The following LRRN4 variants were observed in gnomAD, a reference collection of about 807,000 sequenced individuals.
LRRN4 encodes the protein leucine rich repeat neuronal 4, also known as leucine-rich repeat neuronal protein 4.
LRRN4 carries 26 observed loss-of-function variants against 22.3 expected under a neutral mutation model. The observed-to-expected ratio is 1.16, with a 90% CI of 0.85 to 1.62. The LOEUF (loss-of-function observed/expected upper bound fraction) is 1.62. LRRN4 is among the 40% of genes most tolerant of loss of function. The probability of loss-of-function intolerance (pLI) is 0.00; values close to 1 mark genes in which losing one functional copy is unlikely to be tolerated. For missense variants in LRRN4, 1,070 were observed against 1,008.5 expected (o/e 1.06, Z -0.83); for synonymous variants, 496 against 486.2 (o/e 1.02, Z -0.26).
Position 6,046,209 on chromosome 20 carries a change from G to A in LRRN4, c.861-1529C>T, listed in dbSNP as rs142690260. On this transcript the variant is annotated intron_variant, in intron 3 of 4. Transcript: ENST00000378858. The stretch of plus-strand genomic sequence containing the variant: ...CACCTGTGGTCCCAGCTACTTGGGA[G>A]GCTGAGATGGGAGGATTGCTTGAGT... Among the ~76,000 whole-genome samples, 1,436 of 148,844 alleles carry A rather than the reference G, an allele frequency of 9.6e-3. 86 individuals are homozygous for A. The highest frequency in any genetic ancestry group is 0.033 in the African/African-American group (1,370 of 41,062).
chr20:6,053,569 G>A (rs1012924236), intron 1 of LRRN4, among the ~76,000 whole-genome samples: 2 of 152,132 alleles, frequency 1.3e-5, no homozygotes, highest in Admixed American at 6.5e-5. Flanking sequence ...AGCAGAGGAA[G>A]ATCCGGCAGC....
At chr20:6,051,094 T>G in intron 2 of LRRN4, 111 bp from the exon 3 acceptor site, 4 of 887,954 alleles carry the variant, frequency 4.5e-6, no homozygotes, top group Non-Finnish European at 7.3e-6. Flanking sequence ...AGGTCATCGC[T>G]GAGCACGGGC....
chr20:6,052,966 T>G (rs1434328032), intron 1 of LRRN4, among the ~76,000 whole-genome samples, 162 bp from the exon 2 acceptor site: 2 of 152,022 alleles, frequency 1.3e-5, no homozygotes, highest in African/African-American at 2.4e-5. Flanking sequence ...TAGTGTGCAG[T>G]GACCTCTCCC....
At position 6,050,924 on chromosome 20, in the gene LRRN4, G is replaced by T. The variant is rs556070083; in HGVS notation, c.715C>A (p.Pro239Thr). 8.7e-6 allele frequency: 14 copies of T among 1,614,036 alleles called. No individual in the cohort carries two copies. The highest frequency in any genetic ancestry group is 3.3e-5 in the Admixed American group (2 of 60,002). The part of the protein sequence containing the change: ...KLTSLYLRKM[P>T]RLTTLEGDIF... ...TCCCCCTCCAGGGTCGTCAGCCGAG[G>T]CATCTTCCTCAGGTAGAGGGATGTG... The change falls in exon 3 of 5, where the codon CCT (proline) becomes ACT (threonine). Residue 239 changes from proline to threonine, a missense_variant. Physicochemically the swap from Pro to Thr is conservative, Grantham distance 38. Transcript: ENST00000378858.
In LRRN4 at chr20:6,041,545, C is replaced by T. The variant is rs757312459; in HGVS notation, c.1700G>A (p.Arg567Gln). 3.2e-6 allele frequency: 5 copies of T among 1,549,272 alleles called. No individual in the cohort carries two copies. The highest frequency in any genetic ancestry group is 1.9e-5 in the Admixed American group (1 of 52,142). Residue 567 changes from arginine (R) to glutamine (Q), a missense_variant, in exon 5 of 5, where the codon CGG (arginine) becomes CAG (glutamine). By Grantham distance (43) the Arg-to-Gln change is conservative. Transcript: ENST00000378858. The surrounding 1 kb of genome is among the most constrained non-coding windows in gnomAD (Gnocchi z 9.4). ...CCCGCTGAGGCCGGGGCACCGGCAC[C>T]GCCACCGCCTCTGCAGCTCCGCGCA... The part of the protein sequence containing the change: ...TPCAELQRRW[R>Q]CRCPGLSGED...
At chr20:6,047,646 C>G (rs969269097) in intron 3 of LRRN4, among the ~76,000 whole-genome samples, 1 of 144,832 alleles carries the variant, frequency 6.9e-6, no homozygotes, top group African/African-American at 2.7e-5. Flanking sequence ...AAAAAAATAG[C>G]TGGGTGTGGT....
rs568077706 is a variant in LRRN4, at chr20:6,043,049, C to T, written c.999-803G>A. ...ACTACTTTTGCAGTAGACTCTATTACCCCATTTTACAGATGAGAAGGTAGA... is the reference window on the plus strand; with the variant it reads ...ACTACTTTTGCAGTAGACTCTATTATCCCATTTTACAGATGAGAAGGTAGA... On this transcript the variant is annotated intron_variant, in intron 4 of 4. Transcript: ENST00000378858. Among the ~76,000 whole-genome samples the T allele has an allele frequency of 2.0e-5, 3 of 152,250 alleles. No individual in the cohort carries two copies. The East Asian group carries it at 5.8e-4, about 29-fold the overall frequency.
At chr20:6,049,828 T>G (rs1981203018) in intron 3 of LRRN4, among the ~76,000 whole-genome samples, 1 of 151,530 alleles carries the variant, frequency 6.6e-6, no homozygotes, top group Non-Finnish European at 1.5e-5. Flanking sequence ...TATCATACAA[T>G]CATCACTATC....
At chr20:6,048,153 G>A (rs1022236377) in intron 3 of LRRN4, among the ~76,000 whole-genome samples, 1 of 152,052 alleles carries the variant, frequency 6.6e-6, no homozygotes, top group African/African-American at 2.4e-5. Flanking sequence ...GGCTCCTGAT[G>A]GTTTTGCCAA....
chr20:6,044,901 C>T (rs1208823408), intron 3 of LRRN4, among the ~76,000 whole-genome samples: 1 of 152,180 alleles, frequency 6.6e-6, no homozygotes, highest in Non-Finnish European at 1.5e-5. Flanking sequence ...TATTATGCTT[C>T]ATATCAACTG....
At position 6,045,109 on chromosome 20, in the gene LRRN4, G is replaced by C. The variant is rs1020973982; in HGVS notation, c.861-429C>G. 1.3e-4 allele frequency among the ~76,000 whole-genome samples: 19 copies of C among 148,446 alleles called. 4 individuals are homozygous for C. The highest frequency in any genetic ancestry group is 4.3e-4 in the South Asian group (2 of 4,696). On this transcript the variant is annotated intron_variant, in intron 3 of 4. Coordinates refer to ENST00000378858, the MANE Select transcript of LRRN4 (RefSeq NM_152611.5). ...TACTTACATTGTCTCATATCAACTG[G>C]GGACAATATTCCCATGACTGATCGT...
chr20:6,044,898 C>A (rs1329299594), intron 3 of LRRN4, among the ~76,000 whole-genome samples: 1 of 152,150 alleles, frequency 6.6e-6, no homozygotes, highest in Non-Finnish European at 1.5e-5. Context: ...AAATATTATG[C>A]TTCATATCAA....
intron 3 of LRRN4, among the ~76,000 whole-genome samples, 156 bp downstream of exon 3, chr20:6,050,623 A>G (rs1981219939): frequency 6.6e-6 from 1 of 152,260 alleles, no homozygotes; most frequent in Admixed American, 6.5e-5. Flanking sequence ...GACCTACCCA[A>G]GATATCACCC....
At chr20:6,051,095 G>A in intron 2 of LRRN4, 112 bp from the exon 3 acceptor site, 3 of 878,246 alleles carry the variant, frequency 3.4e-6, no homozygotes, top group Non-Finnish European at 5.5e-6. Flanking sequence ...GGTCATCGCT[G>A]AGCACGGGCA....
intron 3 of LRRN4, among the ~76,000 whole-genome samples, chr20:6,045,829 T>A (rs1315733250): frequency 1.3e-5 from 2 of 149,128 alleles, no homozygotes; most frequent in Non-Finnish European, 3.0e-5. Context: ...CATGTGTCTG[T>A]CATCACCCAG....
At position 6,042,116 on chromosome 20, in the gene LRRN4, A is replaced by C; in HGVS notation, c.1129T>G (p.Cys377Gly). ...STTLGASHPP[C>G]FNRSTYAQGT... ...TGTGCGTAGGTGGAGCGGTTGAAGCAAGGTGGGTGTGAAGCCCCGAGAGTG... is the reference window on the plus strand; with the variant it reads ...TGTGCGTAGGTGGAGCGGTTGAAGCCAGGTGGGTGTGAAGCCCCGAGAGTG... Residue 377 changes from cysteine (C) to glycine (G), a missense_variant, in exon 5 of 5, where the codon TGC becomes GGC. Physicochemically the swap from Cys to Gly is radical, Grantham distance 159. Transcript: ENST00000378858. 6.2e-7 allele frequency: 1 copy of C among 1,614,156 alleles called. No homozygotes were observed. Among genetic ancestry groups the C allele is most frequent in the Non-Finnish European group, 8.5e-7 (1 of 1,180,000 alleles).
In LRRN4 at chr20:6,041,750, G is replaced by T; in HGVS notation, c.1495C>A (p.Pro499Thr). The stretch of plus-strand genomic sequence containing the variant: ...GGTGTGGCGTGTGTCCTCTGGCCGG[G>T]CTGAGGCGAGCTTATGCTGCGGTCC... Reference protein sequence around the residue: ...SWDRSISSPQPGQRTHATPQA... With the variant: ...SWDRSISSPQTGQRTHATPQA... Residue 499 changes from proline to threonine, a missense_variant, in exon 5 of 5, where the codon CCC becomes ACC. Coordinates refer to ENST00000378858, the MANE Select transcript of LRRN4 (RefSeq NM_152611.5). The surrounding 1 kb of genome is among the most constrained non-coding windows in gnomAD (Gnocchi z 9.4). The T allele has an allele frequency of 6.2e-7, 1 of 1,613,976 alleles. No homozygotes were observed. The highest frequency in any genetic ancestry group is 8.5e-7 in the Non-Finnish European group (1 of 1,179,920).
rs139398477 is a variant in LRRN4 at position 6,051,312 on chromosome 20, A to G, written c.656-329T>C. Among the ~76,000 whole-genome samples the G allele has an allele frequency of 8.7e-3, 1,329 of 152,324 alleles. 15 individuals are homozygous for G. The highest frequency in any genetic ancestry group is 0.031 in the African/African-American group (1,269 of 41,576). On this transcript the variant is annotated intron_variant, in intron 2 of 4. Coordinates refer to ENST00000378858, the MANE Select transcript of LRRN4 (RefSeq NM_152611.5). ...AAGTCTGTTGCTGCTCCACCTTCTC[A>G]TTAAAGTCCACACAGAAAATAACCA... is the stretch of plus-strand genomic sequence containing the variant.
chr20:6,051,370 ACTT>A (rs1035189744), intron 2 of LRRN4, among the ~76,000 whole-genome samples: 20 of 152,306 alleles, frequency 1.3e-4, no homozygotes, highest in African/African-American at 4.6e-4. Context: ...AGTGTGGGGA[ACTT>A]CTGCGGAACG....
Sources: allele counts gnomAD v4.1 joint callset (sites outside exome capture counted in the v4.1 genomes callset), GRCh38; gene constraint gnomAD v4.1.1; non-coding constraint Gnocchi (gnomAD v3.1); transcripts MANE v1.5; gene names NCBI Gene and HGNC (gene_info 2026-07-23, HGNC 2026-07-21).